Variants in ZKSCAN5 observed in about 807,000 individuals in gnomAD.
ZKSCAN5 encodes zinc finger with KRAB and SCAN domains 5, also known as zinc finger protein with KRAB and SCAN domains 5.
In ZKSCAN5, 28 loss-of-function variants were observed where a neutral mutation model predicts 60.0. The observed-to-expected ratio is 0.47, with a 90% CI of 0.35 to 0.64. The LOEUF (loss-of-function observed/expected upper bound fraction) is 0.64. Among genes scored for constraint, ZKSCAN5 ranks in the 30% least tolerant of loss-of-function variants. ZKSCAN5 has a pLI of 0.01. For synonymous variants in ZKSCAN5, 361 were observed against 371.2 expected (o/e 0.97, Z 0.31); for missense variants, 881 against 1,034.6 (o/e 0.85, Z 2.04).
chr7:99,522,409 T>C (rs898412852), intron 5 of ZKSCAN5, among the ~76,000 whole-genome samples: 5 of 152,084 alleles, frequency 3.3e-5, no homozygotes, highest in African/African-American at 4.8e-5. Context: ...ACTTTGTCTC[T>C]AAAGGGGAAG....
intron 3 of ZKSCAN5, among the ~76,000 whole-genome samples, chr7:99,516,103 G>C (rs531440029): frequency 6.6e-6 from 1 of 151,666 alleles, no homozygotes; most frequent in South Asian, 2.1e-4. Flanking sequence ...TCAGCCTCCC[G>C]AGTAGCTGGG....
rs1802100790 is a variant in ZKSCAN5, at chr7:99,532,545, G to A, written c.*296G>A. The A allele has an allele frequency of 3.8e-6, 1 of 260,312 alleles. No individual in the cohort carries two copies. Among genetic ancestry groups the A allele is most frequent in the Admixed American group, 4.8e-5 (1 of 20,640 alleles). The allele number at this position is 260,312 out of a possible 1,614,324, so 16.1% of individuals were successfully genotyped here. A position where few individuals can be genotyped will look rare whatever the true frequency, so the allele number is the denominator to read the frequency against. On this transcript the variant is annotated 3_prime_UTR_variant, in exon 7 of 7. Transcript: ENST00000326775. ...TCGGAAAGCCTGCAGTTGACATTCA[G>A]TCTTCACTTGAAACTCAAAACTGAC...
At chr7:99,505,770 T>C (rs1800692830) in intron 1 of ZKSCAN5, 1 of 330,078 alleles carries the variant, frequency 3.0e-6, no homozygotes, top group Non-Finnish European at 5.8e-6. Flanking sequence ...TATGGCTCTC[T>C]TTTACACTTT....
chr7:99,509,659 G>C (rs529121882), intron 2 of ZKSCAN5, among the ~76,000 whole-genome samples: 1 of 150,732 alleles, frequency 6.6e-6, no homozygotes, highest in Non-Finnish European at 1.5e-5. Context: ...GTAGAGTCGG[G>C]GTTTCACCGT....
chr7:99,505,330 C>T (rs1355752598), intron 1 of ZKSCAN5: 3 of 152,238 alleles, frequency 2.0e-5, no homozygotes, highest in Non-Finnish European at 4.4e-5. Flanking sequence ...ACCGCATCTT[C>T]CCAGCCTCGG....
At chr7:99,512,432 G>C in intron 2 of ZKSCAN5, 21 bp from the exon 3 acceptor site, 1 of 1,611,334 alleles carries the variant, frequency 6.2e-7, no homozygotes, top group Non-Finnish European at 8.5e-7. Flanking sequence ...TGTACTGATC[G>C]GTTTTGGTTG....
chr7:99,520,352 T>A (rs752082434), intron 5 of ZKSCAN5, 48 bp downstream of exon 5: 1 of 1,547,350 alleles, frequency 6.5e-7, no homozygotes, highest in Admixed American at 2.2e-5. Flanking sequence ...TATTTTGTTA[T>A]CTTGTAAAGA....
rs147986437 is a variant in ZKSCAN5, at chr7:99,505,629, T to A, written c.-40-376T>A. 2.0e-3 allele frequency: 341 copies of A among 172,968 alleles called. 1 individual carries two copies. Among genetic ancestry groups the A allele is most frequent in the Admixed American group, 0.012 (227 of 18,270 alleles). 10.7% of individuals were successfully genotyped at this position (172,968 alleles called of 1,614,324 possible). On this transcript the variant is annotated intron_variant, in intron 1 of 6. Coordinates refer to ENST00000326775, the MANE Select transcript of ZKSCAN5 (RefSeq NM_145102.4). The stretch of plus-strand genomic sequence containing the variant: ...TAATGATTTTCACCCTTATTCCGAC[T>A]TAAGTTCGTCTTATGGTAGAGAGAA...
intron 5 of ZKSCAN5, among the ~76,000 whole-genome samples, chr7:99,524,923 C>A (rs1441254160): frequency 3.3e-5 from 5 of 152,044 alleles, no homozygotes; most frequent in Non-Finnish European, 7.4e-5. Context: ...AATCCCAGCA[C>A]TTTGGGAGGC....
intron 2 of ZKSCAN5, 121 bp downstream of exon 2, chr7:99,506,579 T>C (rs1035939654): frequency 7.9e-7 from 1 of 1,269,786 alleles, no homozygotes; most frequent in Non-Finnish European, 1.1e-6. Context: ...TGGGATTAGG[T>C]ACCCTGTGAC....
chr7:99,518,584 A>G (rs1801372779), intron 3 of ZKSCAN5, among the ~76,000 whole-genome samples: 3 of 151,468 alleles, frequency 2.0e-5, no homozygotes, highest in Admixed American at 2.0e-4. Flanking sequence ...CTGGACTGTT[A>G]GGAATGCTTC....
At chr7:99,520,080 C>T (rs762320956) in intron 4 of ZKSCAN5, 89 bp from the exon 5 acceptor site, 1 of 1,551,378 alleles carries the variant, frequency 6.4e-7, no homozygotes, top group African/African-American at 1.4e-5. Context: ...GTTCCTCCCC[C>T]TGTTTCTTTT....
intron 1 of ZKSCAN5, chr7:99,505,536 C>T (rs1012196056): frequency 6.4e-5 from 10 of 156,986 alleles, no homozygotes; most frequent in Non-Finnish European, 1.1e-4. Context: ...CTCTTTGGGA[C>T]CGATGGAGTC....
rs543718419 is a variant in ZKSCAN5, at chr7:99,506,809, A to G, written c.414+351A>G. Among the ~76,000 whole-genome samples the G allele has an allele frequency of 2.0e-5, 3 of 150,454 alleles. No individual in the cohort carries two copies. In the East Asian group the frequency reaches 5.9e-4, roughly 29 times the overall value. ...GCCATTCTCCTGCCTCAGCCTCCGG[A>G]GTAGCTGGGACTGCAGGCGTCCGCC... On this transcript the variant is annotated intron_variant, in intron 2 of 6. Transcript: ENST00000326775.
chr7:99,522,788 G>T (rs989530648), intron 5 of ZKSCAN5, among the ~76,000 whole-genome samples: 1 of 151,588 alleles, frequency 6.6e-6, no homozygotes. Flanking sequence ...TGCCTGGCTC[G>T]TATGTTTTGT....
At position 99,506,354 on chromosome 7, in the gene ZKSCAN5, G is replaced by C. The variant is rs754424071; in HGVS notation, c.310G>C (p.Glu104Gln). The C allele has an allele frequency of 6.2e-7, 1 of 1,614,230 alleles. No individual in the cohort carries two copies. The highest frequency in any genetic ancestry group is 8.5e-7 in the Non-Finnish European group (1 of 1,180,040). ...GGAGCAGTTCCTGACCATCCTGCCT[G>C]AAGAGTTCCAGCCCTGGGTGAGGGA... ...VLEQFLTILP[E>Q]EFQPWVREHH... Residue 104 changes from glutamate to glutamine, a missense_variant, in exon 2 of 7, where the codon GAA (glutamate) becomes CAA (glutamine). Coordinates refer to ENST00000326775, the MANE Select transcript of ZKSCAN5 (RefSeq NM_145102.4).
At chr7:99,517,398 G>A (rs1801312316) in intron 3 of ZKSCAN5, among the ~76,000 whole-genome samples, 1 of 150,866 alleles carries the variant, frequency 6.6e-6, no homozygotes, top group African/African-American at 2.4e-5. Context: ...ACAAATTTGT[G>A]GGCCAGGCAT....
At position 99,526,401 on chromosome 7, in the gene ZKSCAN5, G is replaced by T; in HGVS notation, c.1361G>T (p.Arg454Met). ...HLIEHLKRHF[R>M]EKSQRCSDKR... ...ATCGAACACCTAAAACGCCACTTCA[G>T]GGAGAAATCCCAGAGATGTACGTGT... The change falls in exon 6 of 7, where the codon AGG becomes ATG. Residue 454 changes from arginine (R) to methionine (M), a missense_variant. Physicochemically the swap from Arg to Met is moderately conservative, Grantham distance 91. Around this residue, in one of 5 missense-constraint regions of ZKSCAN5, gnomAD observed 490 missense variants for 554.5 expected, o/e 0.88. Coordinates refer to ENST00000326775, the MANE Select transcript of ZKSCAN5 (RefSeq NM_145102.4). The T allele has an allele frequency of 6.3e-7, 1 of 1,599,808 alleles. No homozygotes were observed. The highest frequency in any genetic ancestry group is 8.5e-7 in the Non-Finnish European group (1 of 1,179,478).
At chr7:99,524,237 A>AT (rs896551048) in intron 5 of ZKSCAN5, among the ~76,000 whole-genome samples, 1 of 151,796 alleles carries the variant, frequency 6.6e-6, no homozygotes, top group Non-Finnish European at 1.5e-5. Context: ...CGCCTGGCTA[A>AT]TTTTTTTCGT....
Sources: allele counts gnomAD v4.1 joint callset (sites outside exome capture counted in the v4.1 genomes callset), GRCh38; gene constraint gnomAD v4.1.1; regional missense constraint gnomAD v4.1.1; transcripts MANE v1.5; gene names NCBI Gene and HGNC (gene_info 2026-07-23, HGNC 2026-07-21).